EGR4: variants seen among roughly 807,000 people sequenced by gnomAD.
The protein encoded by EGR4 is early growth response 4, also known as early growth response protein 4.
Under a neutral mutation model 25.4 loss-of-function variants are expected in EGR4, and 22 were observed. The observed-to-expected ratio is 0.87, with a 90% CI of 0.62 to 1.24. The LOEUF (loss-of-function observed/expected upper bound fraction) is 1.24, where lower values mean the gene tolerates loss of function less well. Among genes scored for constraint, EGR4 ranks in the 50% most tolerant of loss-of-function variants. The pLI is 0.00. For synonymous variants in EGR4, 375 were observed against 320.1 expected (o/e 1.17, Z -1.83); for missense variants, 742 against 702.9 (o/e 1.06, Z -0.63).
At chr2:73,292,803 G>C in intron 1 of EGR4, 22 bp from the exon 2 acceptor site, 1 of 1,419,744 alleles carries the variant, frequency 7.0e-7, no homozygotes. Flanking sequence ...GCAGGAATCA[G>C]CTCTGGGCAC....
Position 73,291,597 on chromosome 2 carries a change from C to T in EGR4, c.1321G>A (p.Asp441Asn), listed in dbSNP as rs1410052090. 2 of 1,613,270 alleles carry T rather than the reference C, an allele frequency of 1.2e-6. No individual in the cohort carries two copies. Among genetic ancestry groups the T allele is most frequent in the South Asian group, 1.1e-5 (1 of 91,076 alleles). Residue 441 changes from aspartate (D) to asparagine (N), a missense_variant, in exon 2 of 2, where the codon GAC becomes AAC. Asp to Asn is a conservative substitution (Grantham distance 23, BLOSUM62 1). Coordinates refer to ENST00000436467, the MANE Select transcript of EGR4 (RefSeq NM_001965.4). ...THTGEKPFAC[D>N]VCGRRFARSD... is the part of the protein sequence containing the mutation. ...CGCGCGAAGCGGCGGCCGCACACGT[C>T]GCAAGCAAAAGGCTTCTCGCCGGTG...
Position 73,291,853 on chromosome 2 carries a change from C to G in EGR4, c.1065G>C (p.Lys355Asn). Reference protein sequence around the residue: ...PPPPTPFPQAKARRKGRRGGK... With the variant: ...PPPPTPFPQANARRKGRRGGK... ...CGCCGCGGCGCCCCTTGCGTCGCGC[C>G]TTGGCCTGGGGGAAAGGGGTGGGCG... The change falls in exon 2 of 2, where the codon AAG becomes AAC. Residue 355 changes from lysine to asparagine, a missense_variant. Coordinates refer to ENST00000436467, the MANE Select transcript of EGR4 (RefSeq NM_001965.4). 1 of 1,580,482 alleles carries G rather than the reference C, an allele frequency of 6.3e-7. No individual in the cohort carries two copies. Among genetic ancestry groups the G allele is most frequent in the South Asian group, 1.1e-5 (1 of 87,622 alleles).
chr2:73,293,362 C>G lies in EGR4; in HGVS notation c.-45G>C. 6.6e-7 allele frequency: 1 copy of G among 1,512,638 alleles called. No homozygotes were observed. Among genetic ancestry groups the G allele is most frequent in the Non-Finnish European group, 8.8e-7 (1 of 1,132,554 alleles). 93.7% of individuals were successfully genotyped at this position (1,512,638 alleles called of 1,614,324 possible). A position where few individuals can be genotyped will look rare whatever the true frequency, so the allele number is the denominator to read the frequency against. On this transcript the variant is annotated 5_prime_UTR_variant, in exon 1 of 2. Coordinates refer to ENST00000436467, the MANE Select transcript of EGR4 (RefSeq NM_001965.4). Reference sequence around the variant, plus strand: ...GGCGCCCGGGGCCTCGCCCGCTGGGCTTGGGGGCGCGCGGGTGGCGGGGAG... The same window carrying G: ...GGCGCCCGGGGCCTCGCCCGCTGGGGTTGGGGGCGCGCGGGTGGCGGGGAG...
rs1360283320 is a variant in EGR4 at position 73,292,288 on chromosome 2, C to T, written c.630G>A (p.Leu210=). 7 of 1,608,738 alleles carry T rather than the reference C, an allele frequency of 4.4e-6. No individual in the cohort carries two copies. The highest frequency in any genetic ancestry group is 1.3e-5 in the African/African-American group (1 of 74,806). The change falls in exon 2 of 2, where the codon CTG becomes CTA. Residue 210 remains leucine, a synonymous_variant. Transcript: ENST00000436467. ...AFKGPYAPWE[L]LSVGAPGNCG... ...AGTTCCCTGGGGCCCCCACAGAAAG[C>T]AGCTCCCAGGGCGCGTAGGGACCCT...
chr2:73,293,110 C>A (rs557977459), intron 1 of EGR4, 72 bp downstream of exon 1: 18 of 1,338,212 alleles, frequency 1.3e-5, no homozygotes, highest in Middle Eastern at 2.6e-4. Context: ...CCCAGTCCCT[C>A]CTGGTTCTCA....
rs1350545788 is a variant in EGR4, at chr2:73,292,035, C to G, written c.883G>C (p.Gly295Arg). ...GLLTPPSGEG[G>R]SSGDGGEFLA... Reference sequence around the variant, plus strand: ...AACTCTCCGCCGTCGCCGCTACTCCCTCCCTCCCCACTAGGAGGGGTCAGG... The same window carrying G: ...AACTCTCCGCCGTCGCCGCTACTCCGTCCCTCCCCACTAGGAGGGGTCAGG... The change falls in exon 2 of 2, where the codon GGG becomes CGG. Residue 295 changes from glycine to arginine, a missense_variant. Coordinates refer to ENST00000436467, the MANE Select transcript of EGR4 (RefSeq NM_001965.4). 1.2e-6 allele frequency: 2 copies of G among 1,605,838 alleles called. No homozygotes were observed. Among genetic ancestry groups the G allele is most frequent in the Non-Finnish European group, 1.7e-6 (2 of 1,175,964 alleles).
At position 73,292,509 on chromosome 2, in the gene EGR4, A is replaced by T; in HGVS notation, c.409T>A (p.Leu137Met). ...TAAAGGTCCGGCGGACCCGGCAGCAAGGCATCGGACCCCGCAGGAAAAGGG... is the reference window on the plus strand; with the variant it reads ...TAAAGGTCCGGCGGACCCGGCAGCATGGCATCGGACCCCGCAGGAAAAGGG... The part of the protein sequence containing the change: ...DAPFPAGSDA[L>M]LPGPPDLYSP... Residue 137 changes from leucine to methionine, a missense_variant, in exon 2 of 2, where the codon TTG becomes ATG. Leu to Met is a conservative substitution (Grantham distance 15). Coordinates refer to ENST00000436467, the MANE Select transcript of EGR4 (RefSeq NM_001965.4). 1 of 1,518,540 alleles carries T rather than the reference A, an allele frequency of 6.6e-7. No individual in the cohort carries two copies. The highest frequency in any genetic ancestry group is 2.3e-5 in the East Asian group (1 of 43,380). The allele number at this position is 1,518,540 out of a possible 1,614,324, so 94.1% of individuals were successfully genotyped here.
At position 73,292,186 on chromosome 2, in the gene EGR4, C is replaced by T. The variant is rs1249849733; in HGVS notation, c.732G>A (p.Leu244=). 6.3e-7 allele frequency: 1 copy of T among 1,589,450 alleles called. No homozygotes were observed. ...PVIGTKIEDL[L]SISCPAELPA... ...GCAGTTCCGCAGGGCAGCTGATGGA[C>T]AGCAAGTCCTCAATCTTGGTCCCTA... The change falls in exon 2 of 2, where the codon CTG becomes CTA. Residue 244 remains leucine, a synonymous_variant. Coordinates refer to ENST00000436467, the MANE Select transcript of EGR4 (RefSeq NM_001965.4).
rs757251398 is a variant in EGR4, at chr2:73,292,362, G to C, written c.556C>G (p.Leu186Val). ...GCTGGCGAGGCGGGAGGCGCCCGGA[G>C]GCCGGGCTTGACGTCGGGCGGGGAG... Reference protein sequence around the residue: ...QLSPPDVKPGLRAPPASPALD... With the variant: ...QLSPPDVKPGVRAPPASPALD... The change falls in exon 2 of 2, where the codon CTC (leucine) becomes GTC (valine). Residue 186 changes from leucine (L) to valine (V), a missense_variant. By Grantham distance (32) the Leu-to-Val change is conservative. Transcript: ENST00000436467. 1.9e-6 allele frequency: 3 copies of C among 1,556,270 alleles called. No individual in the cohort carries two copies. The African/African-American group carries it at 4.1e-5, about 21-fold the overall frequency.
rs746599234 is a variant in EGR4 at position 73,291,753 on chromosome 2, G to C, written c.1165C>G (p.Arg389Gly). The C allele has an allele frequency of 2.5e-6, 4 of 1,602,154 alleles. No individual in the cohort carries two copies. Among genetic ancestry groups the C allele is most frequent in the East Asian group, 2.2e-5 (1 of 44,838 alleles). Residue 389 changes from arginine to glycine, a missense_variant, in exon 2 of 2, where the codon CGG becomes GGG. Physicochemically the swap from Arg to Gly is moderately radical, Grantham distance 125. Coordinates refer to ENST00000436467, the MANE Select transcript of EGR4 (RefSeq NM_001965.4). ...AGCTCGTCGGAGCGCGCAAAGCTCC[G>C]CACACAACTCTCCACCGGGCAAGCG... ...AFACPVESCV[R>G]SFARSDELNR... is the part of the protein sequence containing the mutation.
chr2:73,293,343 C>T lies in EGR4; in HGVS notation c.-26G>A, dbSNP rs374534321. ...GGCGCGGCGCCGGCTGTGGGGCGCC[C>T]GGGGCCTCGCCCGCTGGGCTTGGGG... On this transcript the variant is annotated 5_prime_UTR_variant, in exon 1 of 2. Transcript: ENST00000436467. The T allele has an allele frequency of 5.2e-6, 8 of 1,547,470 alleles. No homozygotes were observed. Among genetic ancestry groups the T allele is most frequent in the Non-Finnish European group, 7.0e-6 (8 of 1,148,164 alleles).
In EGR4 at chr2:73,291,449, T is replaced by G; in HGVS notation, c.*8A>C. ...GGCGGCGCCCCAACCCATAAACCCATCTCTTGCTCAGAGAGAAGCGAAGGA... is the reference window on the plus strand; with the variant it reads ...GGCGGCGCCCCAACCCATAAACCCAGCTCTTGCTCAGAGAGAAGCGAAGGA... On this transcript the variant is annotated 3_prime_UTR_variant, in exon 2 of 2. Coordinates refer to ENST00000436467, the MANE Select transcript of EGR4 (RefSeq NM_001965.4). The G allele has an allele frequency of 6.3e-7, 1 of 1,587,384 alleles. No individual in the cohort carries two copies. The highest frequency in any genetic ancestry group is 8.6e-7 in the Non-Finnish European group (1 of 1,166,586).
rs765998769 is a variant in EGR4, at chr2:73,293,227, G to T, written c.91C>A (p.Arg31=). The T allele has an allele frequency of 1.3e-6, 2 of 1,568,176 alleles. No homozygotes were observed. Among genetic ancestry groups the T allele is most frequent in the East Asian group, 2.4e-5 (1 of 42,458 alleles). The change falls in exon 1 of 2, where the codon CGG becomes AGG. Residue 31 remains arginine (R), a synonymous_variant. Coordinates refer to ENST00000436467, the MANE Select transcript of EGR4 (RefSeq NM_001965.4). ...GCGGGAGCGTCCCTGGCAGGCAGCC[G>T]GGGCAATTCAGCGCTGGGTTCGGCG... The part of the protein sequence containing the change: ...CCAEPSAELP[R]LPARDAPAAT...
intron 1 of EGR4, 151 bp from the exon 2 acceptor site, chr2:73,292,932 G>T: frequency 1.9e-6 from 2 of 1,068,296 alleles, no homozygotes; most frequent in Non-Finnish European, 2.4e-6. Flanking sequence ...GTCCCAAGGA[G>T]CACATAGAAA....
chr2:73,291,851 G>T lies in EGR4; in HGVS notation c.1067C>A (p.Ala356Glu). The change falls in exon 2 of 2, where the codon GCG (alanine) becomes GAG (glutamate). Residue 356 changes from alanine (A) to glutamate (E), a missense_variant. Physicochemically the swap from Ala to Glu is moderately radical, Grantham distance 107 (BLOSUM62 -1). Coordinates refer to ENST00000436467, the MANE Select transcript of EGR4 (RefSeq NM_001965.4). ...GCCGCCGCGGCGCCCCTTGCGTCGC[G>T]CCTTGGCCTGGGGGAAAGGGGTGGG... Reference protein sequence around the residue: ...PPPTPFPQAKARRKGRRGGKC... With the variant: ...PPPTPFPQAKERRKGRRGGKC... The T allele has an allele frequency of 4.4e-6, 7 of 1,579,466 alleles. No homozygotes were observed. The highest frequency in any genetic ancestry group is 5.1e-6 in the Non-Finnish European group (6 of 1,168,498).
intron 1 of EGR4, 104 bp from the exon 2 acceptor site, chr2:73,292,885 C>T: frequency 7.9e-7 from 1 of 1,262,612 alleles, no homozygotes; most frequent in South Asian, 3.0e-5. Flanking sequence ...ACACAAAGTG[C>T]CTTTTGCACA....
rs773933847 is a variant in EGR4, at chr2:73,291,487, G to A, written c.1431C>T (p.Tyr477=). Residue 477 remains tyrosine, a synonymous_variant, in exon 2 of 2, where the codon TAC becomes TAT. Coordinates refer to ENST00000436467, the MANE Select transcript of EGR4 (RefSeq NM_001965.4). ...AEERLKGLGF[Y]SLGLSFASL is the part of the protein sequence containing the mutation. ...GAGAAGCGAAGGAGAGGCCCAGCGA[G>A]TAAAAGCCGAGGCCCTTGAGCCGCT... 2.5e-6 allele frequency: 4 copies of A among 1,609,638 alleles called. No individual in the cohort carries two copies. Among genetic ancestry groups the A allele is most frequent in the African/African-American group, 2.7e-5 (2 of 74,766 alleles).
At position 73,291,754 on chromosome 2, in the gene EGR4, C is replaced by T. The variant is rs780543488; in HGVS notation, c.1164G>A (p.Val388=). Residue 388 remains valine, a synonymous_variant, in exon 2 of 2, where the codon GTG becomes GTA. Coordinates refer to ENST00000436467, the MANE Select transcript of EGR4 (RefSeq NM_001965.4). The part of the protein sequence containing the change: ...KAFACPVESC[V]RSFARSDELN... ...GCTCGTCGGAGCGCGCAAAGCTCCG[C>T]ACACAACTCTCCACCGGGCAAGCGA... 6.2e-7 allele frequency: 1 copy of T among 1,602,242 alleles called. No individual in the cohort carries two copies.
In EGR4 at chr2:73,291,770, G is replaced by C. The variant is rs749827096; in HGVS notation, c.1148C>G (p.Pro383Arg). The change falls in exon 2 of 2, where the codon CCG becomes CGG. Residue 383 changes from proline to arginine, a missense_variant. Pro to Arg is a moderately radical substitution (Grantham distance 103). Transcript: ENST00000436467. ...AAAGCTCCGCACACAACTCTCCACC[G>C]GGCAAGCGAAGGCCTTGGCGTGCGG... ...PRPHAKAFAC[P>R]VESCVRSFAR... 44 of 1,600,874 alleles carry C rather than the reference G, an allele frequency of 2.7e-5. No individual in the cohort carries two copies. Among genetic ancestry groups the C allele is most frequent in the Non-Finnish European group, 3.4e-5 (40 of 1,179,310 alleles).
Sources: allele counts gnomAD v4.1 joint callset, GRCh38; gene constraint gnomAD v4.1.1; transcripts MANE v1.5; gene names NCBI Gene and HGNC (gene_info 2026-07-23, HGNC 2026-07-21).